The following OLA1 variants were observed in gnomAD, a reference collection of about 807,000 sequenced individuals.
OLA1 encodes the protein Obg like ATPase 1.
A neutral mutation model predicts 48.4 loss-of-function variants in OLA1; 14 were observed. The observed-to-expected ratio is 0.29, with a 90% CI of 0.19 to 0.45. OLA1 has a LOEUF of 0.45. OLA1 is among the 20% of genes least tolerant of loss of function. OLA1 has a pLI of 1.00. For missense variants in OLA1, 325 were observed against 467.1 expected, an observed-to-expected ratio of 0.70 and a Z score of 2.80; for synonymous variants, 127 against 150.4, an observed-to-expected ratio of 0.84 and a Z score of 1.14.
rs112671944 is a variant in OLA1, at chr2:174,174,035, CAA to C, written c.374-32037_374-32036del. On this transcript the variant is annotated intron_variant, in intron 4 of 10. Transcript: ENST00000284719. ...ATACATACACACACACACACACACA[CAA>C]AAAAAAAAAAAAAAACAAAAAAAAA... 9.8e-3 allele frequency among the ~76,000 whole-genome samples: 1,335 copies of C among 135,630 alleles called. 13 individuals are homozygous for C. Among genetic ancestry groups the C allele is most frequent in the Middle Eastern group, 0.06 (16 of 266 alleles). 89.0% of individuals were successfully genotyped at this position (135,630 alleles called of 152,430 possible). A position where few individuals can be genotyped will look rare whatever the true frequency, so the allele number is the denominator to read the frequency against.
intron 4 of OLA1, among the ~76,000 whole-genome samples, chr2:174,173,568 A>G (rs1010113201): frequency 6.6e-6 from 1 of 152,148 alleles, no homozygotes; most frequent in Non-Finnish European, 1.5e-5. Context: ...TTTTTTTTAT[A>G]AGTCAAAAAA....
At chr2:174,150,711 A>G (rs4100932) in intron 4 of OLA1, among the ~76,000 whole-genome samples, 15,070 of 152,214 alleles carry the variant, frequency 0.099, 1,920 homozygotes, top group East Asian at 0.68. Flanking sequence ...AAGCCTCCTT[A>G]TATACCCAAC....
rs190438412 is a variant in OLA1, at chr2:174,147,154, C to T, written c.374-5154G>A. Among the ~76,000 whole-genome samples the T allele has an allele frequency of 5.9e-3, 899 of 152,200 alleles. 7 individuals carry two copies. Among genetic ancestry groups the T allele is most frequent in the Non-Finnish European group, 9.9e-3 (674 of 67,998 alleles). On this transcript the variant is annotated intron_variant, in intron 4 of 10. Transcript: ENST00000284719. ...CAGCAACAACAAAAAAGGCCAGGTG[C>T]GGTGGCTCACCCCTGTAATCCCAGC...
At chr2:174,177,674 T>A (rs573816202) in intron 4 of OLA1, among the ~76,000 whole-genome samples, 1 of 152,108 alleles carries the variant, frequency 6.6e-6, no homozygotes, top group Non-Finnish European at 1.5e-5. Context: ...CAAATAGCAA[T>A]GGACTTTTGA....
chr2:174,208,542 G>A (rs1362519145), intron 4 of OLA1, among the ~76,000 whole-genome samples: 8 of 152,086 alleles, frequency 5.3e-5, no homozygotes, highest in African/African-American at 1.7e-4. Flanking sequence ...AATCAAATTC[G>A]GCGTTAAAGC....
chr2:174,144,951 A>AAAAAAAAAATATATAT (rs1181030817), intron 4 of OLA1, among the ~76,000 whole-genome samples: 4 of 40,294 alleles, frequency 9.9e-5, no homozygotes, highest in Non-Finnish European at 8.0e-5. Context: ...AAAAAAAAAA[A>AAAAAAAAAATATATAT]ATATATATAT....
At chr2:174,134,861 GCCT>G (rs1686266090) in intron 5 of OLA1, among the ~76,000 whole-genome samples, 1 of 152,146 alleles carries the variant, frequency 6.6e-6, no homozygotes, top group Non-Finnish European at 1.5e-5. Context: ...CTTGAAGAAT[GCCT>G]AAGACATGGG....
intron 7 of OLA1, among the ~76,000 whole-genome samples, chr2:174,122,461 T>C (rs1311410180): frequency 1.3e-5 from 2 of 152,232 alleles, no homozygotes; most frequent in African/African-American, 4.8e-5. Flanking sequence ...AGAATTCAGA[T>C]ATTTTGCTTT....
intron 7 of OLA1, among the ~76,000 whole-genome samples, chr2:174,106,578 C>T (rs1250428410): frequency 2.6e-5 from 4 of 152,050 alleles, no homozygotes; most frequent in Non-Finnish European, 4.4e-5. Context: ...GTTGTGCTTT[C>T]GTATTAAAAA....
chr2:174,121,683 T>C (rs770773115), intron 7 of OLA1, among the ~76,000 whole-genome samples: 5 of 152,230 alleles, frequency 3.3e-5, no homozygotes, highest in Non-Finnish European at 7.3e-5. Flanking sequence ...GCTATAACCA[T>C]GTCATCATCA....
At chr2:174,136,781 C>T (rs902273388) in intron 5 of OLA1, among the ~76,000 whole-genome samples, 2 of 151,946 alleles carry the variant, frequency 1.3e-5, no homozygotes, top group African/African-American at 2.4e-5. Context: ...AAGCAATTCT[C>T]CTGCCTCAGC....
chr2:174,220,508 G>T (rs762894903), intron 4 of OLA1, among the ~76,000 whole-genome samples: 2 of 152,012 alleles, frequency 1.3e-5, no homozygotes, highest in Non-Finnish European at 2.9e-5. Flanking sequence ...TTCAATGTCT[G>T]TATCCTCCAC....
intron 4 of OLA1, among the ~76,000 whole-genome samples, chr2:174,168,753 ATATCTATCTATCTATC>A (rs71021675): frequency 5.0e-4 from 73 of 146,086 alleles, no homozygotes; most frequent in Middle Eastern, 3.4e-3. Flanking sequence ...CACAATATGT[ATATCTATCTATCTATC>A]TATCTATCTA....
intron 5 of OLA1, among the ~76,000 whole-genome samples, chr2:174,134,171 G>A (rs1285787671): frequency 7.9e-5 from 12 of 152,190 alleles, no homozygotes; most frequent in Admixed American, 7.9e-4. Flanking sequence ...TATTGTTTGA[G>A]TAACTGTGTT....
At chr2:174,167,781 T>C (rs368585541) in intron 4 of OLA1, among the ~76,000 whole-genome samples, 27 of 152,344 alleles carry the variant, frequency 1.8e-4, no homozygotes, top group Middle Eastern at 6.8e-3. Context: ...AAACCCACTG[T>C]CTTAGTATGC....
In OLA1 at chr2:174,125,428, C is replaced by G. The variant is rs886665633; in HGVS notation, c.550-1753G>C. On this transcript the variant is annotated intron_variant, in intron 5 of 10. Transcript: ENST00000284719. ...GTGGCCAGAACAGCTTATGTAGAGA[C>G]ACGCAACAAGATTATACAAAAGAAA... Among the ~76,000 whole-genome samples the G allele has an allele frequency of 6.6e-5, 10 of 152,206 alleles. No individual in the cohort carries two copies. The East Asian group carries it at 1.5e-3, about 23-fold the overall frequency.
In OLA1 at chr2:174,209,309, C is replaced by T. The variant is rs183234172; in HGVS notation, c.373+13724G>A. Among the ~76,000 whole-genome samples, 233 of 152,278 alleles carry T rather than the reference C, an allele frequency of 1.5e-3. 3 individuals are homozygous for T. Among genetic ancestry groups the T allele is most frequent in the African/African-American group, 5.3e-3 (219 of 41,548 alleles). ...ATTTTCATCCTGATATCTATATAAC[C>T]TGACCCAAACTATCTCTAGAGCTTC... On this transcript the variant is annotated intron_variant, in intron 4 of 10. Transcript: ENST00000284719.
At chr2:174,091,923 T>C (rs1685124598) in intron 7 of OLA1, among the ~76,000 whole-genome samples, 1 of 131,354 alleles carries the variant, frequency 7.6e-6, no homozygotes, top group Admixed American at 8.1e-5. Context: ...TCCCTTCTCA[T>C]TTTCTGCCAA....
chr2:174,246,415 T>A (rs1689129218), intron 2 of OLA1, among the ~76,000 whole-genome samples: 1 of 152,182 alleles, frequency 6.6e-6, no homozygotes, highest in Non-Finnish European at 1.5e-5. Context: ...ACTACGAAAT[T>A]CAAAACTGTC....
Sources: allele counts gnomAD v4.1 joint callset (sites outside exome capture counted in the v4.1 genomes callset), GRCh38; gene constraint gnomAD v4.1.1; transcripts MANE v1.5; gene names NCBI Gene and HGNC (gene_info 2026-07-23, HGNC 2026-07-21).